Variants in CPLX2 observed in about 807,000 individuals in gnomAD.
CPLX2 encodes complexin-2.
CPLX2 carries 5 observed loss-of-function variants against 16.3 expected under a neutral mutation model. The ratio of observed to expected loss-of-function variants is 0.31; its 90% CI spans 0.16 to 0.64. CPLX2 has a LOEUF of 0.64. CPLX2 is among the 30% of genes least tolerant of loss of function. The pLI, the probability that CPLX2 is intolerant of heterozygous loss-of-function variation, is 0.79. For synonymous variants in CPLX2, 89 were observed against 73.2 expected (o/e 1.22, Z -1.10); for missense variants, 144 against 181.4 (o/e 0.79, Z 1.18).
Position 175,880,025 on chromosome 5 carries a change from C to T in CPLX2, c.385C>T (p.Gln129Ter), listed in dbSNP as rs1162290009. The change falls in exon 4 of 4, where the codon CAG becomes TAG. Residue 129 changes from glutamine (Q) to a stop codon, truncating the protein, a stop_gained. Transcript: ENST00000393745. LOFTEE classifies it high-confidence loss of function. ...TVLKYLPGPL[Q>*]DMFKK ...GCTCAAATACCTGCCCGGGCCGCTG[C>T]AGGACATGTTCAAGAAGTAACCAGG... 2 of 1,613,168 alleles carry T rather than the reference C, an allele frequency of 1.2e-6. No individual in the cohort carries two copies. The highest frequency in any genetic ancestry group is 1.7e-6 in the Non-Finnish European group (2 of 1,179,664).
At position 175,878,701 on chromosome 5, in the gene CPLX2, T is replaced by A; in HGVS notation, c.-39T>A. On this transcript the variant is annotated 5_prime_UTR_variant, in exon 2 of 4. Transcript: ENST00000393745. ...CCAGCCAGGAGCGCTGCATGCAAAT[T>A]CTGCCGTGGGCTAAGGCACGCTAAC... The A allele has an allele frequency of 6.2e-7, 1 of 1,609,876 alleles. No homozygotes were observed. Among genetic ancestry groups the A allele is most frequent in the Non-Finnish European group, 8.5e-7 (1 of 1,178,554 alleles).
intron 2 of CPLX2, among the ~76,000 whole-genome samples, chr5:175,814,678 G>C (rs1041466876): frequency 6.6e-6 from 1 of 152,168 alleles, no homozygotes; most frequent in Admixed American, 6.5e-5. Flanking sequence ...GGGGGTTATC[G>C]AGGTTATCAG....
intron 2 of CPLX2, among the ~76,000 whole-genome samples, chr5:175,838,589 AG>A (rs1183045440): frequency 6.6e-6 from 1 of 151,986 alleles, no homozygotes; most frequent in East Asian, 1.9e-4. Context: ...ATACTTCCCC[AG>A]GGGTTTCTGG....
chr5:175,805,986 C>A (rs1271873721), intron 1 of CPLX2, among the ~76,000 whole-genome samples: 1 of 152,208 alleles, frequency 6.6e-6, no homozygotes, highest in East Asian at 1.9e-4. Flanking sequence ...CACCCCAAGC[C>A]ACTGCCTTAG....
At chr5:175,851,459 G>A (rs1759152569) in intron 2 of CPLX2, among the ~76,000 whole-genome samples, 1 of 152,158 alleles carries the variant, frequency 6.6e-6, no homozygotes, top group Non-Finnish European at 1.5e-5. Context: ...AAAAGGGTGT[G>A]GAGAAGAAAC....
intron 2 of CPLX2, among the ~76,000 whole-genome samples, chr5:175,828,649 T>C (rs1221025701): frequency 6.6e-6 from 1 of 152,162 alleles, no homozygotes; most frequent in African/African-American, 2.4e-5. Flanking sequence ...AAACACTATT[T>C]TTCTCTGTGG....
chr5:175,877,700 G>C (rs894089186), intron 1 of CPLX2, among the ~76,000 whole-genome samples: 1 of 152,146 alleles, frequency 6.6e-6, no homozygotes, highest in Non-Finnish European at 1.5e-5. Context: ...GGGATGTAGG[G>C]GGAAGATGGT....
Position 175,872,079 on chromosome 5 carries a change from T to G in CPLX2, c.-89+374T>G, listed in dbSNP as rs1213521063. On this transcript the variant is annotated intron_variant, in intron 1 of 3. Coordinates refer to ENST00000393745, the MANE Select transcript of CPLX2 (RefSeq NM_001008220.2). This position sits in a 1 kb window ranked among gnomAD's most constrained non-coding sequence, Gnocchi z 5.0. ...CTGAACCCAGAGAACAACTTTGAGC[T>G]CGCGGGAGTGGGGGACGTCGATCTA... 6.6e-6 allele frequency: 1 copy of G among 152,112 alleles called. No homozygotes were observed. Among genetic ancestry groups the G allele is most frequent in the Non-Finnish European group, 1.5e-5 (1 of 68,034 alleles). The allele number at this position is 152,112 out of a possible 1,614,324, so 9.4% of individuals were successfully genotyped here.
chr5:175,869,973 GAAGA>G (rs1759554515), upstream of CPLX2, among the ~76,000 whole-genome samples: 1 of 152,230 alleles, frequency 6.6e-6, no homozygotes, highest in Non-Finnish European at 1.5e-5. Context: ...TGAAGCACAT[GAAGA>G]AAGAGGGGAC....
chr5:175,816,066 G>A (rs1279304816), intron 2 of CPLX2, among the ~76,000 whole-genome samples: 1 of 152,344 alleles, frequency 6.6e-6, no homozygotes, highest in Admixed American at 6.5e-5. Context: ...CTTCTGTGGA[G>A]CCAGCAGCTC....
Position 175,820,007 on chromosome 5 carries a change from CCT to C in CPLX2, c.-89+10946_-89+10947del, listed in dbSNP as rs201913679. Reference sequence around the variant, plus strand: ...TCCCCAGTTCTCTCCCCTTCCTTCCCCTCTCTCTGCATCACACCAAAAGTCCC... The same window carrying C: ...TCCCCAGTTCTCTCCCCTTCCTTCCCCTCTCTGCATCACACCAAAAGTCCC... On this transcript the variant is annotated intron_variant, in intron 2 of 4. Coordinates refer to the CPLX2 transcript ENST00000359546. 4.6e-3 allele frequency among the ~76,000 whole-genome samples: 696 copies of C among 152,326 alleles called. 21 individuals are homozygous for C. Among genetic ancestry groups the C allele is most frequent in the Admixed American group, 0.043 (652 of 15,300 alleles).
chr5:175,800,527 G>A (rs966046584), intron 1 of CPLX2, among the ~76,000 whole-genome samples: 16 of 151,672 alleles, frequency 1.1e-4, no homozygotes, highest in Non-Finnish European at 1.9e-4. Context: ...GAGTGTGATT[G>A]CAGTCCAGAC....
intron 1 of CPLX2, among the ~76,000 whole-genome samples, chr5:175,799,690 ATTTT>A (rs113894962): frequency 6.7e-6 from 1 of 149,072 alleles, no homozygotes; most frequent in Non-Finnish European, 1.5e-5. Context: ...TATTTTTTTT[ATTTT>A]TTTTATTTTT....
intron 1 of CPLX2, among the ~76,000 whole-genome samples, chr5:175,802,073 C>G (rs900153837): frequency 6.6e-6 from 1 of 152,238 alleles, no homozygotes; most frequent in Non-Finnish European, 1.5e-5. Flanking sequence ...ATTGCATCCT[C>G]AGAGTCTAGA....
At chr5:175,824,337 A>G (rs149635236) in intron 2 of CPLX2, among the ~76,000 whole-genome samples, 1 of 152,344 alleles carries the variant, frequency 6.6e-6, no homozygotes, top group African/African-American at 2.4e-5. Context: ...CCCAAAGCTA[A>G]GAAATATAGC....
intron 2 of CPLX2, among the ~76,000 whole-genome samples, chr5:175,813,799 G>A (rs1252554975): frequency 6.6e-6 from 1 of 152,238 alleles, no homozygotes; most frequent in Non-Finnish European, 1.5e-5. Flanking sequence ...ATCAAGGAGA[G>A]AGTCTCAATT....
intron 2 of CPLX2, among the ~76,000 whole-genome samples, chr5:175,861,401 G>T (rs1428414256): frequency 6.6e-6 from 1 of 152,180 alleles, no homozygotes; most frequent in Non-Finnish European, 1.5e-5. Context: ...GAGGTAAACA[G>T]GTTGACAAAG....
chr5:175,851,844 G>A (rs1445392929), intron 2 of CPLX2, among the ~76,000 whole-genome samples: 1 of 152,252 alleles, frequency 6.6e-6, no homozygotes, highest in Non-Finnish European at 1.5e-5. Context: ...CCTGGCTTGA[G>A]TGTGAGGATC....
rs977836084 is a variant in CPLX2 at position 175,872,442 on chromosome 5, G to C, written c.-89+737G>C. 3.9e-5 allele frequency among the ~76,000 whole-genome samples: 6 copies of C among 152,162 alleles called. No homozygotes were observed. The highest frequency in any genetic ancestry group is 7.4e-5 in the Non-Finnish European group (5 of 68,022). On this transcript the variant is annotated intron_variant, in intron 1 of 3. Coordinates refer to ENST00000393745, the MANE Select transcript of CPLX2 (RefSeq NM_001008220.2). The surrounding 1 kb of genome is among the most constrained non-coding windows in gnomAD (Gnocchi z 5.0). ...AGTTTGAAACCGGGCCGGGTCTTGG[G>C]GTTGGAGCTATGTGTGTTGGGGGAA...
Sources: allele counts gnomAD v4.1 joint callset (sites outside exome capture counted in the v4.1 genomes callset), GRCh38; gene constraint gnomAD v4.1.1; non-coding constraint Gnocchi (gnomAD v3.1); transcripts MANE v1.5; gene names NCBI Gene and HGNC (gene_info 2026-07-23, HGNC 2026-07-21).